ZCCHC8: variants seen among roughly 807,000 people sequenced by gnomAD.
ZCCHC8 encodes zinc finger CCHC-type containing 8.
ZCCHC8 carries 27 observed loss-of-function variants against 70.6 expected under a neutral mutation model. That is an observed-to-expected ratio of 0.38 (90% CI 0.28 to 0.53). The LOEUF is 0.53. ZCCHC8 is among the 20% of genes least tolerant of loss of function. The probability of loss-of-function intolerance (pLI) is 0.81; values close to 1 mark genes in which losing one functional copy is unlikely to be tolerated. For missense variants in ZCCHC8, 737 were observed against 876.9 expected, an observed-to-expected ratio of 0.84 and a Z score of 2.01; for synonymous variants, 293 against 317.4, an observed-to-expected ratio of 0.92 and a Z score of 0.82.
At position 122,500,540 on chromosome 12, in the gene ZCCHC8, C is replaced by CCGCCCG. The variant is rs1231302340; in HGVS notation, c.199+96_199+101dup. 2.9e-6 allele frequency: 4 copies of CCGCCCG among 1,367,000 alleles called. No homozygotes were observed. Among genetic ancestry groups the CCGCCCG allele is most frequent in the East Asian group, 5.0e-5 (2 of 39,626 alleles). The allele number at this position is 1,367,000 out of a possible 1,614,324, so 84.7% of individuals were successfully genotyped here. A position where few individuals can be genotyped will look rare whatever the true frequency, so the allele number is the denominator to read the frequency against. Reference sequence around the variant, plus strand: ...TGGAATTCTGGCCCTCCTGGAACTTCCGCCCGCGCCCTCGCCCTCGCCCGG... The same window carrying CCGCCCG: ...TGGAATTCTGGCCCTCCTGGAACTTCCGCCCGCGCCCGCGCCCTCGCCCTCGCCCGG... On this transcript the variant is annotated intron_variant, in intron 1 of 13. Coordinates refer to ENST00000633063, the MANE Select transcript of ZCCHC8 (RefSeq NM_017612.5). This position sits in a 1 kb window ranked among gnomAD's most constrained non-coding sequence, Gnocchi z 4.8.
chr12:122,483,102 A>G lies in ZCCHC8; in HGVS notation c.671+177T>C. 1 of 642,062 alleles carries G rather than the reference A, an allele frequency of 1.6e-6. No homozygotes were observed. The highest frequency in any genetic ancestry group is 2.6e-6 in the Non-Finnish European group (1 of 381,540). 39.8% of individuals were successfully genotyped at this position (642,062 alleles called of 1,614,324 possible). Reference sequence around the variant, plus strand: ...CATTAGGTGAGAACCAATGAATTCCAGGAAGCAGATGATTCATTTAAACAT... The same window carrying G: ...CATTAGGTGAGAACCAATGAATTCCGGGAAGCAGATGATTCATTTAAACAT... On this transcript the variant is annotated intron_variant, in intron 7 of 13. Transcript: ENST00000633063. The surrounding 1 kb of genome is among the most constrained non-coding windows in gnomAD (Gnocchi z 4.4).
In ZCCHC8 at chr12:122,481,493, G is replaced by C. The variant is rs377015965; in HGVS notation, c.1018+29C>G. On this transcript the variant is annotated intron_variant, in intron 10 of 13. Transcript: ENST00000633063. ...TTAAAAAAAAAAAGGAAACACTTAA[G>C]GTGACTTCTCTAACTTAAGATACTA... is the stretch of plus-strand genomic sequence containing the variant. 5.1e-6 allele frequency: 8 copies of C among 1,562,196 alleles called. No homozygotes were observed. The African/African-American group carries it at 1.1e-4, about 22-fold the overall frequency.
rs1330863827 is a variant in ZCCHC8 at position 122,500,437 on chromosome 12, G to C, written c.199+205C>G. 8 of 663,038 alleles carry C rather than the reference G, an allele frequency of 1.2e-5. No individual in the cohort carries two copies. Among genetic ancestry groups the C allele is most frequent in the Middle Eastern group, 4.2e-4 (1 of 2,362 alleles). 41.1% of individuals were successfully genotyped at this position (663,038 alleles called of 1,614,324 possible). A position where few individuals can be genotyped will look rare whatever the true frequency, so the allele number is the denominator to read the frequency against. On this transcript the variant is annotated intron_variant, in intron 1 of 13. Coordinates refer to ENST00000633063, the MANE Select transcript of ZCCHC8 (RefSeq NM_017612.5). The surrounding 1 kb of genome is among the most constrained non-coding windows in gnomAD (Gnocchi z 4.8). ...TGGTCAGGAGACGGCCTCCCTGAGG[G>C]GAAGAGGTCTGCGCCGAGGCAGCCT...
rs147510568 is a variant in ZCCHC8 at position 122,482,159 on chromosome 12, C to CT, written c.733-73dup. ...ATATTTCAGAAATTAAATAAAAATACTTTTTTTTAGATCAAGTAAACAGAT... is the reference window on the plus strand; with the variant it reads ...ATATTTCAGAAATTAAATAAAAATACTTTTTTTTTAGATCAAGTAAACAGAT... On this transcript the variant is annotated intron_variant, in intron 8 of 13. Transcript: ENST00000633063. 1.8e-4 allele frequency: 267 copies of CT among 1,446,842 alleles called. 1 individual carries two copies. The African/African-American group carries it at 3.1e-3, about 17-fold the overall frequency. 89.6% of individuals were successfully genotyped at this position (1,446,842 alleles called of 1,614,324 possible).
At chr12:122,477,608 C>A (rs559752736) in intron 13 of ZCCHC8, among the ~76,000 whole-genome samples, 37 of 134,382 alleles carry the variant, frequency 2.8e-4, no homozygotes, top group Middle Eastern at 7.9e-3. Context: ...GATGGTGAAA[C>A]CCTGTCTCTA....
chr12:122,478,751 C>T (rs1224412247), intron 11 of ZCCHC8, among the ~76,000 whole-genome samples: 1 of 152,084 alleles, frequency 6.6e-6, no homozygotes, highest in African/African-American at 2.4e-5. Flanking sequence ...CTCTCATCTC[C>T]AATCGCACAT....
At chr12:122,477,357 T>C (rs1316777610) in intron 13 of ZCCHC8, among the ~76,000 whole-genome samples, 1 of 150,756 alleles carries the variant, frequency 6.6e-6, no homozygotes, top group Non-Finnish European at 1.5e-5. Context: ...GGTTTCACCA[T>C]GTTTGCCAGG....
chr12:122,473,289 TC>T lies in ZCCHC8; in HGVS notation c.*207del. On this transcript the variant is annotated 3_prime_UTR_variant, in exon 14 of 14. Coordinates refer to ENST00000633063, the MANE Select transcript of ZCCHC8 (RefSeq NM_017612.5). ...CTCTAAACCAGGTCATATTCACATC[TC>T]CCCCCAAGTTTTGTCAGTGAGAATA... 3 of 582,400 alleles carry T rather than the reference TC, an allele frequency of 5.2e-6. No homozygotes were observed. The highest frequency in any genetic ancestry group is 3.1e-5 in the Admixed American group (1 of 32,078). The allele number at this position is 582,400 out of a possible 1,614,324, so 36.1% of individuals were successfully genotyped here.
rs1301451373 is a variant in ZCCHC8 at position 122,473,340 on chromosome 12, G to C, written c.*157C>G. ...AAAATATACTGAACTAGTGAGCTCA[G>C]TCTTTCTTTAAAATAGGCTTGACTT... On this transcript the variant is annotated 3_prime_UTR_variant, in exon 14 of 14. Transcript: ENST00000633063. The C allele has an allele frequency of 1.1e-6, 1 of 871,480 alleles. No individual in the cohort carries two copies. The highest frequency in any genetic ancestry group is 2.7e-5 in the East Asian group (1 of 37,572). The allele number at this position is 871,480 out of a possible 1,614,324, so 54.0% of individuals were successfully genotyped here.
At position 122,481,607 on chromosome 12, in the gene ZCCHC8, A is replaced by G. The variant is rs747085021; in HGVS notation, c.933T>C (p.Tyr311=). 1.9e-6 allele frequency: 3 copies of G among 1,613,860 alleles called. No individual in the cohort carries two copies. The East Asian group carries it at 6.7e-5, about 36-fold the overall frequency. Reference sequence around the variant, plus strand: ...GTGGGTACCCTAGCTGGCGCATCCGATAGATAAAAGGTGGAAGACTCTTGT... The same window carrying G: ...GTGGGTACCCTAGCTGGCGCATCCGGTAGATAAAAGGTGGAAGACTCTTGT... The part of the protein sequence containing the change: ...VTDKSLPPFI[Y]RMRQLGYPPG... The change falls in exon 10 of 14, where the codon TAT becomes TAC. Residue 311 remains tyrosine (Y), a synonymous_variant. Transcript: ENST00000633063.
Position 122,500,320 on chromosome 12 carries a change from G to A in ZCCHC8, c.199+322C>T, listed in dbSNP as rs1957901917. On this transcript the variant is annotated intron_variant, in intron 1 of 13. Coordinates refer to ENST00000633063, the MANE Select transcript of ZCCHC8 (RefSeq NM_017612.5). The surrounding 1 kb of genome is among the most constrained non-coding windows in gnomAD (Gnocchi z 4.8). ...AAACCTCACCACGACCTCAAACAGA[G>A]GGGGGCAATTAAGGGCTTGTGTACA... is the stretch of plus-strand genomic sequence containing the variant. The A allele has an allele frequency of 1.3e-5, 4 of 311,616 alleles. No homozygotes were observed. The highest frequency in any genetic ancestry group is 2.2e-5 in the African/African-American group (1 of 44,932). The allele number at this position is 311,616 out of a possible 1,614,324, so 19.3% of individuals were successfully genotyped here.
chr12:122,489,461 T>C lies in ZCCHC8; in HGVS notation c.426A>G (p.Pro142=), dbSNP rs756639219. The C allele has an allele frequency of 1.1e-5, 18 of 1,613,396 alleles. No individual in the cohort carries two copies. The South Asian group carries it at 1.8e-4, about 16-fold the overall frequency. The change falls in exon 5 of 14, where the codon CCA becomes CCG. Residue 142 remains proline, a splice_region_variant and synonymous_variant. Coordinates refer to ENST00000633063, the MANE Select transcript of ZCCHC8 (RefSeq NM_017612.5). ...EKTSFNLLPQ[P]SSIVLEEDHK... ...GGTCCTCCTCTAGCACAATACTGGA[T>C]GGCTAATACAAAGAAAAACACATAT...
rs1430092768 is a variant in ZCCHC8, at chr12:122,473,539, G to A, written c.2082C>T (p.Asn694=). The change falls in exon 14 of 14, where the codon AAC becomes AAT. Residue 694 remains asparagine (N), a synonymous_variant. Coordinates refer to ENST00000633063, the MANE Select transcript of ZCCHC8 (RefSeq NM_017612.5). ...TGTTTTTCTGCTGGTTTCGGGGTGA[G>A]TTCTTTAACAAGCTTCTTATCCTGA... is the stretch of plus-strand genomic sequence containing the variant. The part of the protein sequence containing the change: ...MYLRIRSLLK[N]SPRNQQKNKK... The A allele has an allele frequency of 6.2e-7, 1 of 1,613,828 alleles. No homozygotes were observed. The highest frequency in any genetic ancestry group is 1.3e-5 in the African/African-American group (1 of 74,912).
At chr12:122,476,698 GCCA>G (rs992280159) in intron 13 of ZCCHC8, among the ~76,000 whole-genome samples, 2 of 151,940 alleles carry the variant, frequency 1.3e-5, no homozygotes, top group African/African-American at 4.8e-5. Flanking sequence ...TGACAGGGGT[GCCA>G]CCACCACAAA....
intron 12 of ZCCHC8, 119 bp from the exon 13 acceptor site, chr12:122,478,077 A>G (rs1957454861): frequency 1.6e-6 from 2 of 1,216,254 alleles, no homozygotes; most frequent in African/African-American, 3.0e-5. Context: ...TAATTGGTGA[A>G]TTTTGCCACT....
At chr12:122,474,794 G>A (rs889806973) in intron 13 of ZCCHC8, among the ~76,000 whole-genome samples, 1 of 129,464 alleles carries the variant, frequency 7.7e-6, no homozygotes, top group African/African-American at 2.6e-5. Context: ...GAGTGCAGTG[G>A]CACAATCTTA....
chr12:122,473,637 C>T lies in ZCCHC8; in HGVS notation c.1984G>A (p.Asp662Asn), dbSNP rs887430946. The change falls in exon 14 of 14, where the codon GAC becomes AAC. Residue 662 changes from aspartate to asparagine, a missense_variant. Physicochemically the swap from Asp to Asn is conservative, Grantham distance 23. Transcript: ENST00000633063. Reference protein sequence around the residue: ...TATKIHSPIPDMSKFATGITP... With the variant: ...TATKIHSPIPNMSKFATGITP... ...ATTCCAGTTGCAAATTTGCTCATGTCAGGTATAGGGCTATGAATTTTAGTG... is the reference window on the plus strand; with the variant it reads ...ATTCCAGTTGCAAATTTGCTCATGTTAGGTATAGGGCTATGAATTTTAGTG... The T allele has an allele frequency of 6.2e-7, 1 of 1,613,926 alleles. No individual in the cohort carries two copies.
intron 11 of ZCCHC8, among the ~76,000 whole-genome samples, chr12:122,479,665 T>A (rs1405407807): frequency 6.6e-6 from 1 of 152,210 alleles, no homozygotes; most frequent in Non-Finnish European, 1.5e-5. Flanking sequence ...CTTTTAGATT[T>A]AGATACTCTA....
In ZCCHC8 at chr12:122,483,589, T is replaced by C; in HGVS notation, c.502-26A>G. On this transcript the variant is annotated intron_variant, in intron 5 of 13. Transcript: ENST00000633063. The surrounding 1 kb of genome is among the most constrained non-coding windows in gnomAD (Gnocchi z 4.4). ...CTGCAGAAAACAAGTCAAAAAATAT[T>C]GCTATTTAAGCAGAAAAAAAGACAT... The C allele has an allele frequency of 4.0e-6, 6 of 1,507,656 alleles. No homozygotes were observed. Among genetic ancestry groups the C allele is most frequent in the Non-Finnish European group, 5.4e-6 (6 of 1,107,086 alleles). The allele number at this position is 1,507,656 out of a possible 1,614,324, so 93.4% of individuals were successfully genotyped here. A position where few individuals can be genotyped will look rare whatever the true frequency, so the allele number is the denominator to read the frequency against.
Sources: gnomAD v4.1 joint callset for allele counts (sites outside exome capture counted in the v4.1 genomes callset) on GRCh38, gnomAD v4.1.1 for gene constraint, Gnocchi (gnomAD v3.1) non-coding constraint, MANE v1.5 for transcripts, NCBI Gene and HGNC (gene_info 2026-07-23, HGNC 2026-07-21) for gene names.